GALNTL6: variants seen among roughly 807,000 people sequenced by gnomAD.
GALNTL6 encodes polypeptide N-acetylgalactosaminyltransferase like 6.
In GALNTL6, 46 loss-of-function variants were observed where a neutral mutation model predicts 73.7. The observed-to-expected ratio is 0.62, with a 90% CI of 0.49 to 0.80. The LOEUF is 0.80. Ranked by LOEUF, GALNTL6 falls within the 30% of genes least tolerant of loss-of-function variation. The pLI, the probability that GALNTL6 is intolerant of heterozygous loss-of-function variation, is 0.00. For synonymous variants in GALNTL6, 259 were observed against 263.7 expected (o/e 0.98, Z 0.17); for missense variants, 604 against 755.0 (o/e 0.80, Z 2.34).
chr4:171,874,599 A>G (rs1393709262), intron 2 of GALNTL6, among the ~76,000 whole-genome samples: 1 of 152,110 alleles, frequency 6.6e-6, no homozygotes, highest in African/African-American at 2.4e-5. Context: ...TGGCTGGGAG[A>G]TGGGGTCCCG....
intron 9 of GALNTL6, 31 bp downstream of exon 9, chr4:172,931,299 G>A (rs752690004): frequency 7.9e-7 from 1 of 1,273,216 alleles, no homozygotes; most frequent in African/African-American, 1.5e-5. Context: ...ACAGACTGGG[G>A]TTGATATGGC....
chr4:172,835,410 C>T (rs1460549237), intron 7 of GALNTL6, among the ~76,000 whole-genome samples: 2 of 152,178 alleles, frequency 1.3e-5, no homozygotes, highest in Non-Finnish European at 2.9e-5. Flanking sequence ...AGCAGAGTCG[C>T]AGAGACAGGT....
At chr4:172,521,989 C>G (rs1321085834) in intron 5 of GALNTL6, among the ~76,000 whole-genome samples, 2 of 152,108 alleles carry the variant, frequency 1.3e-5, no homozygotes, top group Non-Finnish European at 2.9e-5. Flanking sequence ...CCCAAAAGGA[C>G]TGAAATTAAG....
chr4:172,412,045 T>C (rs1452967907), intron 5 of GALNTL6, among the ~76,000 whole-genome samples: 3 of 151,874 alleles, frequency 2.0e-5, no homozygotes, highest in Admixed American at 6.6e-5. Context: ...TATTTATTTT[T>C]AGTTTTAGTT....
chr4:172,575,997 A>T (rs1736943162), intron 5 of GALNTL6, among the ~76,000 whole-genome samples: 1 of 152,204 alleles, frequency 6.6e-6, no homozygotes, highest in Admixed American at 6.5e-5. Context: ...TGTGGTCTGT[A>T]CTTTCAGCCC....
intron 5 of GALNTL6, among the ~76,000 whole-genome samples, chr4:172,717,356 T>C (rs1337393572): frequency 1.3e-5 from 2 of 152,194 alleles, no homozygotes; most frequent in South Asian, 2.1e-4. Flanking sequence ...TGACTCAAAT[T>C]TGATCTTTAT....
chr4:171,893,948 T>G (rs1027235849), intron 2 of GALNTL6, among the ~76,000 whole-genome samples: 2 of 148,052 alleles, frequency 1.4e-5, no homozygotes, highest in South Asian at 4.4e-4. Context: ...TTTCCTCCTT[T>G]GCCCACCCAC....
rs13435186 is a variant in GALNTL6, at chr4:171,895,905, A to G, written c.138+81187A>G. Among the ~76,000 whole-genome samples, 586 of 151,728 alleles carry G rather than the reference A, an allele frequency of 3.9e-3. 3 individuals carry two copies. Among genetic ancestry groups the G allele is most frequent in the African/African-American group, 0.014 (574 of 41,168 alleles). On this transcript the variant is annotated intron_variant, in intron 2 of 12. Coordinates refer to ENST00000506823, the MANE Select transcript of GALNTL6 (RefSeq NM_001034845.3). ...GTATCTTGATTTTTAAAAATGCAAT[A>G]GTGAAAAAAAAAACAGAAAACAAAA...
At chr4:172,998,624 G>T (rs1470115688) in intron 10 of GALNTL6, among the ~76,000 whole-genome samples, 1 of 151,930 alleles carries the variant, frequency 6.6e-6, no homozygotes, top group East Asian at 1.9e-4. Flanking sequence ...CCTTTGAAAG[G>T]TCTCTGGTGA....
chr4:172,286,224 A>G (rs1428467711), intron 3 of GALNTL6, among the ~76,000 whole-genome samples: 2 of 152,198 alleles, frequency 1.3e-5, no homozygotes, highest in Non-Finnish European at 2.9e-5. Context: ...CAGATTATCA[A>G]GATTGTCTAC....
intron 2 of GALNTL6, among the ~76,000 whole-genome samples, chr4:172,032,531 C>A (rs1383302055): frequency 2.0e-5 from 3 of 151,960 alleles, no homozygotes; most frequent in Non-Finnish European, 2.9e-5. Flanking sequence ...ATATTTAATT[C>A]TTATCTATGT....
At chr4:172,041,483 T>C (rs1233874611) in intron 2 of GALNTL6, among the ~76,000 whole-genome samples, 1 of 152,094 alleles carries the variant, frequency 6.6e-6, no homozygotes, top group Non-Finnish European at 1.5e-5. Context: ...ATAAATAATT[T>C]ACAGACATTT....
At chr4:172,080,240 G>A (rs1048768718) in intron 2 of GALNTL6, among the ~76,000 whole-genome samples, 2 of 152,058 alleles carry the variant, frequency 1.3e-5, no homozygotes, top group Admixed American at 1.3e-4. Context: ...GAGTGTAGTG[G>A]CAAGATCATA....
intron 5 of GALNTL6, among the ~76,000 whole-genome samples, chr4:172,645,420 A>C (rs558419310): frequency 8.5e-5 from 13 of 152,102 alleles, no homozygotes; most frequent in African/African-American, 2.9e-4. Context: ...AATTTATCTA[A>C]TTGATCCAGG....
At chr4:172,007,762 G>C (rs10027262) in intron 2 of GALNTL6, among the ~76,000 whole-genome samples, 142,394 of 152,168 alleles carry the variant, frequency 0.94, 66,919 homozygotes, top group East Asian at 1. Flanking sequence ...AATGAACACA[G>C]AGCCCATCCA....
chr4:172,532,781 T>C (rs1403008694), intron 5 of GALNTL6, among the ~76,000 whole-genome samples: 1 of 152,140 alleles, frequency 6.6e-6, no homozygotes, highest in Non-Finnish European at 1.5e-5. Context: ...GGCTTTGTTT[T>C]TGTGTTTTGG....
intron 2 of GALNTL6, among the ~76,000 whole-genome samples, chr4:171,885,768 A>G (rs546114467): frequency 1.3e-5 from 2 of 152,244 alleles, no homozygotes; most frequent in South Asian, 4.1e-4. Flanking sequence ...TTGCACCACT[A>G]CACTCCAGCC....
At chr4:172,695,343 G>GTGTAACT (rs1733618785) in intron 5 of GALNTL6, among the ~76,000 whole-genome samples, 1 of 152,174 alleles carries the variant, frequency 6.6e-6, no homozygotes, top group Non-Finnish European at 1.5e-5. Context: ...TCATTCTTTT[G>GTGTAACT]TGTAACTGAT....
chr4:173,040,164 G>T lies in GALNTL6; in HGVS notation c.*64G>T. On this transcript the variant is annotated 3_prime_UTR_variant, in exon 13 of 13. Transcript: ENST00000506823. The stretch of plus-strand genomic sequence containing the variant: ...TAAATTAAATTTTAGCCAGCATCTG[G>T]GTCGAAGGAGTCAGGAATAACATTT... 1.6e-6 allele frequency: 2 copies of T among 1,241,216 alleles called. No homozygotes were observed. The highest frequency in any genetic ancestry group is 2.3e-6 in the Non-Finnish European group (2 of 881,044). The allele number at this position is 1,241,216 out of a possible 1,614,324, so 76.9% of individuals were successfully genotyped here. A position where few individuals can be genotyped will look rare whatever the true frequency, so the allele number is the denominator to read the frequency against.
Sources: allele counts gnomAD v4.1 joint callset (sites outside exome capture counted in the v4.1 genomes callset), GRCh38; gene constraint gnomAD v4.1.1; transcripts MANE v1.5; gene names NCBI Gene and HGNC (gene_info 2026-07-23, HGNC 2026-07-21).